PPM1L: variants seen among roughly 807,000 people sequenced by gnomAD.
PPM1L encodes protein phosphatase 1L.
In PPM1L, 13 loss-of-function variants were observed where a neutral mutation model predicts 31.4. That is an observed-to-expected ratio of 0.41 (90% CI 0.27 to 0.66). The LOEUF is 0.66. Among genes scored for constraint, PPM1L ranks in the 30% least tolerant of loss-of-function variants. The pLI is 0.29. For synonymous variants in PPM1L, 184 were observed against 175.4 expected, an observed-to-expected ratio of 1.05 and a Z score of -0.39; for missense variants, 326 against 453.7, an observed-to-expected ratio of 0.72 and a Z score of 2.56.
rs1466376127 is a variant in PPM1L at position 161,075,174 on chromosome 3, TATC to T, written c.*6020_*6022del. On this transcript the variant is annotated 3_prime_UTR_variant, in exon 4 of 4. Transcript: ENST00000498165. ...GAGGCAGTTCATAAATTAAATATGA[TATC>T]ATGCATTATCTCAAAATATTTCTAT... 3 of 152,208 alleles carry T rather than the reference TATC, an allele frequency of 2.0e-5. No individual in the cohort carries two copies. Among genetic ancestry groups the T allele is most frequent in the African/African-American group, 4.8e-5 (2 of 41,444 alleles). The allele number at this position is 152,208 out of a possible 1,614,324, so 9.4% of individuals were successfully genotyped here. A position where few individuals can be genotyped will look rare whatever the true frequency, so the allele number is the denominator to read the frequency against.
chr3:160,821,546 G>A (rs1428051245), intron 1 of PPM1L, among the ~76,000 whole-genome samples: 1 of 151,986 alleles, frequency 6.6e-6, no homozygotes, highest in African/African-American at 2.4e-5. Flanking sequence ...CTTAGCTGAC[G>A]TTTTAAAGAC....
chr3:160,976,782 T>A (rs1032923013), intron 2 of PPM1L, among the ~76,000 whole-genome samples: 1 of 152,162 alleles, frequency 6.6e-6, no homozygotes, highest in Admixed American at 6.6e-5. Flanking sequence ...TTTATTAGTC[T>A]GCTAGCGGTC....
At chr3:160,972,991 A>G (rs1350335390) in intron 2 of PPM1L, among the ~76,000 whole-genome samples, 2 of 152,326 alleles carry the variant, frequency 1.3e-5, no homozygotes, top group South Asian at 2.1e-4. Flanking sequence ...GGCTGCATAA[A>G]TGTTCTTGTA....
intron 1 of PPM1L, among the ~76,000 whole-genome samples, chr3:160,928,955 A>G (rs17236746): frequency 0.37 from 55,623 of 151,910 alleles, 13,023 homozygotes; most frequent in Non-Finnish European, 0.53. Flanking sequence ...TAAGGCAGAG[A>G]TGCAAGGCAG....
chr3:161,020,350 G>A (rs1718206907), intron 2 of PPM1L, among the ~76,000 whole-genome samples: 2 of 152,086 alleles, frequency 1.3e-5, no homozygotes, highest in South Asian at 4.1e-4. Flanking sequence ...AGACATAGGA[G>A]ACAGTCAAGT....
chr3:160,843,091 TA>T (rs35708387), intron 1 of PPM1L, among the ~76,000 whole-genome samples: 5 of 151,610 alleles, frequency 3.3e-5, no homozygotes, highest in East Asian at 1.9e-4. Context: ...TTCTTTTTTT[TA>T]AAAAAAATTG....
intron 2 of PPM1L, among the ~76,000 whole-genome samples, chr3:161,025,590 A>G (rs1718358928): frequency 1.1e-5 from 1 of 94,456 alleles, no homozygotes. Flanking sequence ...AAAAAAAAAA[A>G]AAAAGAGTCT....
chr3:160,917,104 A>G (rs984618492), intron 1 of PPM1L, among the ~76,000 whole-genome samples: 3 of 152,150 alleles, frequency 2.0e-5, no homozygotes, highest in African/African-American at 4.8e-5. Context: ...TACTTATACT[A>G]TTTACTTCTG....
At chr3:160,910,423 A>G (rs1442475582) in intron 1 of PPM1L, among the ~76,000 whole-genome samples, 1 of 150,042 alleles carries the variant, frequency 6.7e-6, no homozygotes, top group Non-Finnish European at 1.5e-5. Context: ...GGTGATTGTC[A>G]TGCCTCAGCC....
chr3:160,778,044 TG>T (rs1711611205), intron 1 of PPM1L, among the ~76,000 whole-genome samples: 2 of 152,156 alleles, frequency 1.3e-5, no homozygotes, highest in South Asian at 4.1e-4. Context: ...TTATAATATT[TG>T]GGGAGTAGCC....
chr3:160,922,034 G>C (rs1714421924), intron 1 of PPM1L, among the ~76,000 whole-genome samples: 1 of 152,126 alleles, frequency 6.6e-6, no homozygotes, highest in African/African-American at 2.4e-5. Flanking sequence ...CTGACGGCTG[G>C]GCACGGTGGC....
intron 2 of PPM1L, among the ~76,000 whole-genome samples, chr3:160,966,066 C>A (rs887984231): frequency 2.6e-5 from 4 of 151,952 alleles, no homozygotes; most frequent in Non-Finnish European, 4.4e-5. Context: ...AGCTATCTAG[C>A]AACCTGGAAT....
At chr3:160,761,227 A>C (rs1398297712) in intron 1 of PPM1L, among the ~76,000 whole-genome samples, 1 of 152,192 alleles carries the variant, frequency 6.6e-6, no homozygotes, top group Non-Finnish European at 1.5e-5. Context: ...ATAGAATAAA[A>C]TCTGTTTTTG....
chr3:160,823,047 A>G (rs1418211098), intron 1 of PPM1L, among the ~76,000 whole-genome samples: 2 of 152,120 alleles, frequency 1.3e-5, no homozygotes, highest in Non-Finnish European at 2.9e-5. Flanking sequence ...ACAAAGAGAT[A>G]GAACTATCTT....
intron 1 of PPM1L, among the ~76,000 whole-genome samples, chr3:160,871,191 T>C (rs1712289999): frequency 6.6e-6 from 1 of 152,222 alleles, no homozygotes; most frequent in South Asian, 2.1e-4. Flanking sequence ...TTTCTTATAA[T>C]TGGCACTGTT....
intron 1 of PPM1L, among the ~76,000 whole-genome samples, chr3:160,784,517 G>C (rs1711843365): frequency 6.6e-6 from 1 of 152,184 alleles, no homozygotes; most frequent in South Asian, 2.1e-4. Context: ...GCCACACAAT[G>C]TAAAATGAGG....
At chr3:160,788,160 G>C (rs1332591575) in intron 1 of PPM1L, among the ~76,000 whole-genome samples, 1 of 151,966 alleles carries the variant, frequency 6.6e-6, no homozygotes, top group Non-Finnish European at 1.5e-5. Flanking sequence ...AAACAACTTT[G>C]GTAGTTTGAT....
chr3:161,039,000 A>G (rs890722052), intron 2 of PPM1L, among the ~76,000 whole-genome samples: 1 of 152,152 alleles, frequency 6.6e-6, no homozygotes, highest in African/African-American at 2.4e-5. Context: ...CTACCCTCCC[A>G]CCAGCACCAT....
intron 2 of PPM1L, among the ~76,000 whole-genome samples, chr3:161,062,304 T>TA (rs1719596876): frequency 6.6e-6 from 1 of 152,154 alleles, no homozygotes; most frequent in African/African-American, 2.4e-5. Context: ...TTCTGGTTTT[T>TA]AAAAACCTGT....
Sources: allele counts gnomAD v4.1 joint callset (sites outside exome capture counted in the v4.1 genomes callset), GRCh38; gene constraint gnomAD v4.1.1; transcripts MANE v1.5; gene names NCBI Gene and HGNC (gene_info 2026-07-23, HGNC 2026-07-21).